Variants in CASP10 observed in about 807,000 individuals in gnomAD.
The protein encoded by CASP10 is caspase-10.
A neutral mutation model predicts 48.5 loss-of-function variants in CASP10; 41 were observed. The observed-to-expected ratio is 0.85, with a 90% CI of 0.66 to 1.10. The LOEUF is 1.10. CASP10 is among the 50% of genes least tolerant of loss of function. CASP10 has a pLI of 0.00. For synonymous variants in CASP10, 232 were observed against 238.4 expected, an observed-to-expected ratio of 0.97 and a Z score of 0.25; for missense variants, 614 against 614.5, an observed-to-expected ratio of 1.00 and a Z score of 0.01.
chr2:201,186,119 G>A lies in CASP10; in HGVS notation c.342G>A (p.Leu114=), dbSNP rs775888850. 1 of 1,610,706 alleles carries A rather than the reference G, an allele frequency of 6.2e-7. No homozygotes were observed. The highest frequency in any genetic ancestry group is 1.7e-5 in the Admixed American group (1 of 60,004). The change falls in exon 2 of 10, where the codon CTG becomes CTA. Residue 114 remains leucine (L), a synonymous_variant. Coordinates refer to ENST00000286186, the MANE Select transcript of CASP10 (RefSeq NM_032977.4). ...RLLPTRQRVS[L]FRNLLYELSE... ...TGCCCACCCGACAAAGGGTTTCTCT[G>A]TTTAGGTGAGGACGGGTCTGTGGTG...
downstream of CASP10, among the ~76,000 whole-genome samples, chr2:201,223,159 G>A (rs754946776): frequency 3.1e-4 from 47 of 152,336 alleles, no homozygotes; most frequent in Non-Finnish European, 4.7e-4. Context: ...TCTGGGGCCT[G>A]CCTACAGAAA....
At chr2:201,214,393 G>A (rs1278260224) in intron 9 of CASP10, 1 of 152,054 alleles carries the variant, frequency 6.6e-6, no homozygotes, top group Non-Finnish European at 1.5e-5. Flanking sequence ...TTTTTCCATA[G>A]GGGTGATTCA....
rs769976012 is a variant in CASP10 at position 201,209,191 on chromosome 2, G to A, written c.1044G>A (p.Gly348=). 1.2e-6 allele frequency: 2 copies of A among 1,612,862 alleles called. No homozygotes were observed. Among genetic ancestry groups the A allele is most frequent in the East Asian group, 4.5e-5 (2 of 44,850 alleles). ...KQKCNPAHAD[G]DCFVFCILTH... ...AGTGCAATCCAGCCCATGCCGACGG[G>A]GACTGCTTCGTGTTCTGTATTCTGA... The change falls in exon 9 of 10, where the codon GGG becomes GGA. Residue 348 remains glycine (G), a synonymous_variant. Coordinates refer to ENST00000286186, the MANE Select transcript of CASP10 (RefSeq NM_032977.4).
At chr2:201,187,225 G>A (rs1470401985) in intron 2 of CASP10, among the ~76,000 whole-genome samples, 1 of 152,124 alleles carries the variant, frequency 6.6e-6, no homozygotes, top group Admixed American at 6.6e-5. Context: ...GACACATAGG[G>A]GTGTTAGTAT....
downstream of CASP10, among the ~76,000 whole-genome samples, chr2:201,223,969 C>CTTTTTT (rs1465653869): frequency 6.8e-6 from 1 of 147,966 alleles, no homozygotes; most frequent in African/African-American, 2.5e-5. Context: ...AAATGGAACT[C>CTTTTTT]TTTTCTTTTT....
chr2:201,216,402 TGC>T (rs1311897304), intron 9 of CASP10, among the ~76,000 whole-genome samples: 5 of 151,734 alleles, frequency 3.3e-5, no homozygotes, highest in African/African-American at 1.2e-4. Context: ...AAGTGATCCC[TGC>T]CATGAACAAA....
chr2:201,203,991 G>T (rs1945117361), intron 6 of CASP10, among the ~76,000 whole-genome samples: 1 of 152,180 alleles, frequency 6.6e-6, no homozygotes, highest in African/African-American at 2.4e-5. Context: ...TGAATGCCTA[G>T]TATAGCAGAT....
downstream of CASP10, among the ~76,000 whole-genome samples, chr2:201,224,206 C>T (rs1008656485): frequency 6.6e-5 from 10 of 151,990 alleles, no homozygotes; most frequent in Admixed American, 3.3e-4. Flanking sequence ...CTCCTGACCT[C>T]GTGATCCGCC....
intron 9 of CASP10, chr2:201,213,333 A>C (rs1945463850): frequency 6.6e-6 from 1 of 152,186 alleles, no homozygotes; most frequent in Non-Finnish European, 1.5e-5. Flanking sequence ...TAGTAAGAGA[A>C]TTGGTGAAAG....
rs374567423 is a variant in CASP10 at position 201,216,347 on chromosome 2, C to T, written c.1416-1241C>T. 3.9e-5 allele frequency among the ~76,000 whole-genome samples: 6 copies of T among 151,948 alleles called. No homozygotes were observed. The East Asian group carries it at 7.7e-4, about 20-fold the overall frequency. On this transcript the variant is annotated intron_variant, in intron 9 of 9. Transcript: ENST00000286186. ...TCGCATTACCGCATTCTAGCCTGGG[C>T]AACAGAGCGAGATCCTGTCTCTAAC...
intron 9 of CASP10, among the ~76,000 whole-genome samples, chr2:201,210,785 C>A (rs996933692): frequency 6.6e-6 from 1 of 152,104 alleles, no homozygotes; most frequent in African/African-American, 2.4e-5. Flanking sequence ...GAGACAAAAT[C>A]TGCTCTCCAG....
chr2:201,196,595 T>C (rs1944803722), intron 5 of CASP10, among the ~76,000 whole-genome samples: 1 of 152,226 alleles, frequency 6.6e-6, no homozygotes, highest in Admixed American at 6.5e-5. Context: ...ACTTGGGTAA[T>C]TTCTTTGCCA....
Position 201,188,872 on chromosome 2 carries a change from ATT to A in CASP10, c.441+1087_441+1088del, listed in dbSNP as rs112390573. On this transcript the variant is annotated intron_variant, in intron 3 of 9. Transcript: ENST00000286186. ...GGGTTGCAAAAATGGAGATATTAGA[ATT>A]TTTTTTTTTTTTTGAGATGGAGTCT... Among the ~76,000 whole-genome samples the A allele has an allele frequency of 4.0e-3, 580 of 144,236 alleles. 5 individuals are homozygous for A. Among genetic ancestry groups the A allele is most frequent in the African/African-American group, 0.013 (508 of 39,472 alleles). The allele number at this position is 144,236 out of a possible 152,430, so 94.6% of individuals were successfully genotyped here. A position where few individuals can be genotyped will look rare whatever the true frequency, so the allele number is the denominator to read the frequency against.
At chr2:201,185,264 G>A (rs1413041366) in intron 1 of CASP10, among the ~76,000 whole-genome samples, 1 of 152,188 alleles carries the variant, frequency 6.6e-6, no homozygotes, top group Non-Finnish European at 1.5e-5. Context: ...CCTCTTACAG[G>A]TAGCAGTCTG....
Position 201,217,590 on chromosome 2 carries a change from A to T in CASP10, c.1418A>T (p.His473Leu), listed in dbSNP as rs538186121. ...TTTTGTTTTCTTCTTTGTTGCAGAC[A>T]TGAAGACATCTTATCCATCCTCACT... Reference protein sequence around the residue: ...CNHLKKLVPRHEDILSILTAV... With the variant: ...CNHLKKLVPRLEDILSILTAV... Residue 473 changes from histidine (H) to leucine (L), a missense_variant and splice_region_variant, in exon 10 of 10, where the codon CAT (histidine) becomes CTT (leucine). By Grantham distance (99) the His-to-Leu change is moderately conservative. Transcript: ENST00000286186. 2 of 1,612,796 alleles carry T rather than the reference A, an allele frequency of 1.2e-6. No homozygotes were observed. The highest frequency in any genetic ancestry group is 1.3e-5 in the African/African-American group (1 of 74,902).
chr2:201,192,307 T>A (rs1350933620), intron 3 of CASP10, among the ~76,000 whole-genome samples: 1 of 152,034 alleles, frequency 6.6e-6, no homozygotes, highest in East Asian at 1.9e-4. Context: ...GGCAGGAGAA[T>A]GGCTTGAATG....
intron 1 of CASP10, among the ~76,000 whole-genome samples, chr2:201,185,252 G>C (rs1293155923): frequency 6.6e-6 from 1 of 152,122 alleles, no homozygotes; most frequent in Non-Finnish European, 1.5e-5. Context: ...ATAAAGGCCT[G>C]CCCTCTTACA....
At position 201,215,210 on chromosome 2, in the gene CASP10, G is replaced by A. The variant is rs528015864; in HGVS notation, c.1416-2378G>A. Among the ~76,000 whole-genome samples, 229 of 75,250 alleles carry A rather than the reference G, an allele frequency of 3.0e-3. 1 individual carries two copies. Among genetic ancestry groups the A allele is most frequent in the Non-Finnish European group, 4.9e-3 (189 of 38,956 alleles). The allele number at this position is 75,250 out of a possible 152,430, so 49.4% of individuals were successfully genotyped here. ...TATTTTGTAGGTTGTCTCTTCCCTC[G>A]GTTTTTTTTTTTTTTTTTTTTTTTT... On this transcript the variant is annotated intron_variant, in intron 9 of 9. Transcript: ENST00000286186.
intron 3 of CASP10, among the ~76,000 whole-genome samples, chr2:201,189,868 G>A (rs985798980): frequency 1.3e-5 from 2 of 152,046 alleles, no homozygotes; most frequent in South Asian, 2.1e-4. Context: ...GTGTGGTGGC[G>A]TGCACCTGTA....
Sources: allele counts gnomAD v4.1 joint callset (sites outside exome capture counted in the v4.1 genomes callset), GRCh38; gene constraint gnomAD v4.1.1; transcripts MANE v1.5; gene names NCBI Gene and HGNC (gene_info 2026-07-23, HGNC 2026-07-21).